TRIM36: variants seen among roughly 807,000 people sequenced by gnomAD.
TRIM36 encodes the protein E3 ubiquitin-protein ligase TRIM36.
In TRIM36, 42 loss-of-function variants were observed where a neutral mutation model predicts 72.4. The ratio of observed to expected loss-of-function variants is 0.58; its 90% CI spans 0.45 to 0.75. TRIM36 has a LOEUF of 0.75. TRIM36 is among the 30% of genes least tolerant of loss of function. The pLI, the probability that TRIM36 is intolerant of heterozygous loss-of-function variation, is 0.00. For synonymous variants in TRIM36, 315 were observed against 282.8 expected, an observed-to-expected ratio of 1.11 and a Z score of -1.14; for missense variants, 913 against 857.1, an observed-to-expected ratio of 1.07 and a Z score of -0.81.
Position 115,144,402 on chromosome 5 carries a change from C to T in TRIM36, c.735+196G>A, listed in dbSNP as rs553151208. Among the ~76,000 whole-genome samples the T allele has an allele frequency of 2.7e-4, 41 of 152,162 alleles. 1 individual carries two copies. The highest frequency in any genetic ancestry group is 9.4e-4 in the African/African-American group (39 of 41,514). On this transcript the variant is annotated intron_variant, in intron 4 of 9. Coordinates refer to ENST00000513154, the MANE Select transcript of TRIM36 (RefSeq NM_001300759.2). Reference sequence around the variant, plus strand: ...ATACAACATAGGTGTCAATATATGCCGGGCCTTATCAGTACCACAAATAAT... The same window carrying T: ...ATACAACATAGGTGTCAATATATGCTGGGCCTTATCAGTACCACAAATAAT...
chr5:115,147,545 GT>G (rs1185354571), intron 2 of TRIM36, 151 bp from the exon 3 acceptor site: 5 of 1,000,852 alleles, frequency 5.0e-6, no homozygotes, highest in Non-Finnish European at 7.1e-6. Flanking sequence ...TTGTGAAAAT[GT>G]TTTTAAAAAT....
At chr5:115,143,420 T>C (rs1468438670) in intron 4 of TRIM36, among the ~76,000 whole-genome samples, 1 of 151,306 alleles carries the variant, frequency 6.6e-6, no homozygotes, top group Admixed American at 6.6e-5. Flanking sequence ...TTTGTAGAAA[T>C]ACAAAACTAT....
At chr5:115,127,769 T>C (rs1267106565) in intron 9 of TRIM36, among the ~76,000 whole-genome samples, 1 of 152,216 alleles carries the variant, frequency 6.6e-6, no homozygotes, top group African/African-American at 2.4e-5. Flanking sequence ...TATTATGCAA[T>C]GCTTTTATTG....
chr5:115,138,263 C>CT (rs1189372589), intron 5 of TRIM36, among the ~76,000 whole-genome samples: 1 of 152,092 alleles, frequency 6.6e-6, no homozygotes, highest in Non-Finnish European at 1.5e-5. Context: ...CCACGCCCAG[C>CT]TTTTTTTCAA....
chr5:115,151,515 C>T (rs1484006496), intron 2 of TRIM36, among the ~76,000 whole-genome samples: 1 of 152,182 alleles, frequency 6.6e-6, no homozygotes, highest in African/African-American at 2.4e-5. Context: ...CCTGTTCCTC[C>T]CCCTACCACC....
Position 115,147,202 on chromosome 5 carries a change from G to A in TRIM36, c.455C>T (p.Pro152Leu). ...AIMCDLCKPPPQESTKSCMDC... is the reference protein window; with the variant it reads ...AIMCDLCKPPLQESTKSCMDC... The stretch of plus-strand genomic sequence containing the variant: ...CATGCAGCTTTTTGTGGATTCTTGA[G>A]GTGGTGGTTTACAAAGGTCACACAT... The change falls in exon 3 of 10, where the codon CCT (proline) becomes CTT (leucine). Residue 152 changes from proline (P) to leucine (L), a missense_variant. Transcript: ENST00000513154. 6.2e-7 allele frequency: 1 copy of A among 1,614,158 alleles called. No homozygotes were observed. The highest frequency in any genetic ancestry group is 8.5e-7 in the Non-Finnish European group (1 of 1,180,036).
chr5:115,130,720 G>A lies in TRIM36; in HGVS notation c.1668C>T (p.Gly556=), dbSNP rs779973695. The A allele has an allele frequency of 1.2e-6, 2 of 1,614,098 alleles. No homozygotes were observed. Among genetic ancestry groups the A allele is most frequent in the Non-Finnish European group, 1.7e-6 (2 of 1,180,032 alleles). The change falls in exon 9 of 10, where the codon GGC becomes GGT. Residue 556 remains glycine, a synonymous_variant. Coordinates refer to ENST00000513154, the MANE Select transcript of TRIM36 (RefSeq NM_001300759.2). ...TSLDYIIGDT[G]ITKGKHFWAF... ...CCCAGAAGTGTTTTCCTTTTGTAAT[G>A]CCAGTATCTCCAATGATGTAGTCTA...
Position 115,126,041 on chromosome 5 carries a change from A to G in TRIM36, c.*462T>C, listed in dbSNP as rs1752344887. 2 of 153,336 alleles carry G rather than the reference A, an allele frequency of 1.3e-5. No homozygotes were observed. Among genetic ancestry groups the G allele is most frequent in the South Asian group, 4.1e-4 (2 of 4,868 alleles). The allele number at this position is 153,336 out of a possible 1,614,324, so 9.5% of individuals were successfully genotyped here. A position where few individuals can be genotyped will look rare whatever the true frequency, so the allele number is the denominator to read the frequency against. The stretch of plus-strand genomic sequence containing the variant: ...ATCTAGAACTTTGTTTTCCTATTGA[A>G]AACAAATGCAAGACACATTGCTTAG... On this transcript the variant is annotated 3_prime_UTR_variant, in exon 10 of 10. Transcript: ENST00000513154.
Position 115,126,362 on chromosome 5 carries a change from T to A in TRIM36, c.*141A>T, listed in dbSNP as rs1292118412. 2 of 650,250 alleles carry A rather than the reference T, an allele frequency of 3.1e-6. No homozygotes were observed. Among genetic ancestry groups the A allele is most frequent in the East Asian group, 5.5e-5 (2 of 36,326 alleles). 40.3% of individuals were successfully genotyped at this position (650,250 alleles called of 1,614,324 possible). A position where few individuals can be genotyped will look rare whatever the true frequency, so the allele number is the denominator to read the frequency against. ...ACATGAAGACACAAGGCTGTTTAGA[T>A]TTTCTGTATTTCAAGAAGAATCATA... On this transcript the variant is annotated 3_prime_UTR_variant, in exon 10 of 10. Transcript: ENST00000513154.
chr5:115,158,735 C>T (rs1408086694), intron 2 of TRIM36, among the ~76,000 whole-genome samples: 1 of 152,234 alleles, frequency 6.6e-6, no homozygotes. Context: ...TTTCTCTCAA[C>T]TACCCTCTGA....
intron 1 of TRIM36, 34 bp from the exon 2 acceptor site, chr5:115,163,786 T>C: frequency 6.5e-7 from 1 of 1,537,258 alleles, no homozygotes; most frequent in Non-Finnish European, 9.0e-7. Flanking sequence ...TAAAGGCTCT[T>C]AGTGGGTAAA....
intron 1 of TRIM36, among the ~76,000 whole-genome samples, chr5:115,174,921 T>C (rs1218907837): frequency 6.6e-6 from 1 of 152,170 alleles, no homozygotes; most frequent in East Asian, 1.9e-4. Context: ...GATGAGTGTA[T>C]TAGCTGCATA....
chr5:115,151,377 G>A (rs1176699721), intron 2 of TRIM36, among the ~76,000 whole-genome samples: 2 of 152,184 alleles, frequency 1.3e-5, no homozygotes, highest in East Asian at 3.9e-4. Context: ...TGCAGCAAGA[G>A]CTGCTCAAGG....
intron 1 of TRIM36, among the ~76,000 whole-genome samples, chr5:115,175,452 C>T (rs1011152568): frequency 2.6e-5 from 4 of 152,252 alleles, no homozygotes; most frequent in South Asian, 2.1e-4. Context: ...TCTCCACCTC[C>T]GCCCATAGAT....
rs1345376041 is a variant in TRIM36, at chr5:115,169,680, C to T, written c.-46G>A. ...CATCAGCGGCACGTTCCACTCACAC[C>T]GGCTACCGAGCGCAGGGTCTGGTGG... On this transcript the variant is annotated 5_prime_UTR_variant, in exon 1 of 10. Transcript: ENST00000513154. 1.3e-6 allele frequency: 2 copies of T among 1,513,818 alleles called. No individual in the cohort carries two copies. Among genetic ancestry groups the T allele is most frequent in the Admixed American group, 2.1e-5 (1 of 47,940 alleles). 93.8% of individuals were successfully genotyped at this position (1,513,818 alleles called of 1,614,324 possible).
chr5:115,142,976 A>G (rs185836959), intron 4 of TRIM36, among the ~76,000 whole-genome samples: 11 of 152,252 alleles, frequency 7.2e-5, no homozygotes, highest in Non-Finnish European at 1.5e-4. Context: ...AGCTGAGTCC[A>G]AGGAGGCCAT....
At chr5:115,151,861 G>A (rs556492178) in intron 2 of TRIM36, among the ~76,000 whole-genome samples, 1 of 152,270 alleles carries the variant, frequency 6.6e-6, no homozygotes, top group South Asian at 2.1e-4. Context: ...CAACCCGTGG[G>A]ACAAAAGGAA....
intron 4 of TRIM36, among the ~76,000 whole-genome samples, chr5:115,142,038 A>G (rs1216256072): frequency 6.6e-6 from 1 of 152,192 alleles, no homozygotes; most frequent in African/African-American, 2.4e-5. Flanking sequence ...TCTGAAATAC[A>G]CAAAAACCAA....
intron 2 of TRIM36, among the ~76,000 whole-genome samples, chr5:115,151,547 G>A (rs1306003723): frequency 1.3e-5 from 2 of 152,200 alleles, no homozygotes; most frequent in African/African-American, 4.8e-5. Flanking sequence ...TCTTTGGAAA[G>A]TGCCACCTCC....
Sources: allele counts gnomAD v4.1 joint callset (sites outside exome capture counted in the v4.1 genomes callset), GRCh38; gene constraint gnomAD v4.1.1; transcripts MANE v1.5; gene names NCBI Gene and HGNC (gene_info 2026-07-23, HGNC 2026-07-21).